The following SLIT1 variants were observed in gnomAD, a reference collection of about 807,000 sequenced individuals.
SLIT1 encodes the protein slit homolog 1 protein.
SLIT1 carries 66 observed loss-of-function variants against 186.1 expected under a neutral mutation model. The observed-to-expected ratio is 0.35, with a 90% CI of 0.29 to 0.44. SLIT1 has a LOEUF of 0.44. Among genes scored for constraint, SLIT1 ranks in the 20% least tolerant of loss-of-function variants. The pLI is 1.00. For missense variants in SLIT1, 1,638 were observed against 2,037.4 expected, an observed-to-expected ratio of 0.80 and a Z score of 3.77; for synonymous variants, 761 against 833.8, an observed-to-expected ratio of 0.91 and a Z score of 1.50.
chr10:97,002,016 G>A, intron 36 of SLIT1, 142 bp downstream of exon 36: 1 of 499,346 alleles, frequency 2.0e-6, no homozygotes, highest in East Asian at 3.2e-5. Flanking sequence ...GAGGGTGGAG[G>A]GACTCTGAAA....
chr10:97,045,979 C>T (rs1010252623), intron 18 of SLIT1, among the ~76,000 whole-genome samples: 5 of 152,160 alleles, frequency 3.3e-5, no homozygotes, highest in Admixed American at 6.5e-5. Flanking sequence ...TAGCACTAGC[C>T]ACATTTCAAC....
intron 6 of SLIT1, 64 bp from the exon 7 acceptor site, chr10:97,064,303 G>T (rs903510326): frequency 3.7e-6 from 5 of 1,367,096 alleles, no homozygotes; most frequent in Non-Finnish European, 5.2e-6. Context: ...GGACAGGGCC[G>T]CCCTGCTAAC....
chr10:97,096,495 G>A (rs1057001042), intron 4 of SLIT1, among the ~76,000 whole-genome samples: 5 of 152,140 alleles, frequency 3.3e-5, no homozygotes, highest in South Asian at 2.1e-4. Flanking sequence ...GATTGAAGCC[G>A]GGAGCCCGCT....
At chr10:97,003,262 T>G (rs928950562) in intron 34 of SLIT1, among the ~76,000 whole-genome samples, 3 of 152,222 alleles carry the variant, frequency 2.0e-5, no homozygotes, top group African/African-American at 7.2e-5. Flanking sequence ...AGGTGCCTGT[T>G]CCTAAAGTCT....
chr10:97,061,247 T>C (rs983936395), intron 8 of SLIT1, among the ~76,000 whole-genome samples: 1 of 152,244 alleles, frequency 6.6e-6, no homozygotes, highest in African/African-American at 2.4e-5. Context: ...TTGTTGCCAT[T>C]CTACAGCTGA....
At position 97,010,988 on chromosome 10, in the gene SLIT1, C is replaced by A; in HGVS notation, c.3341+5G>T. The A allele has an allele frequency of 6.2e-7, 1 of 1,613,772 alleles. No homozygotes were observed. The highest frequency in any genetic ancestry group is 8.5e-7 in the Non-Finnish European group (1 of 1,179,746). The stretch of plus-strand genomic sequence containing the variant: ...TCACTCCTAGTGTGTCCAGGGGCTG[C>A]TCACCTGTAGCCCTCAGCACAGAGG... On this transcript the variant is annotated splice_donor_5th_base_variant and intron_variant, in intron 31 of 36. Transcript: ENST00000266058. The surrounding 1 kb of genome is among the most constrained non-coding windows in gnomAD (Gnocchi z 4.8).
At chr10:97,020,406 A>C (rs1241037123) in intron 26 of SLIT1, among the ~76,000 whole-genome samples, 1 of 152,224 alleles carries the variant, frequency 6.6e-6, no homozygotes, top group Non-Finnish European at 1.5e-5. Flanking sequence ...AAAACAAAAC[A>C]AAACCCCTTC....
In SLIT1 at chr10:97,046,403, G is replaced by A. The variant is rs373156921; in HGVS notation, c.1853+251C>T. 1.6e-4 allele frequency among the ~76,000 whole-genome samples: 25 copies of A among 152,354 alleles called. No homozygotes were observed. In the East Asian group the frequency reaches 3.3e-3, roughly 20 times the overall value. ...GGGCAATGGGAAGGGACCCCTAGAA[G>A]GGTCCACATGTCTCCATCCCTTGAG... On this transcript the variant is annotated intron_variant, in intron 18 of 36. Coordinates refer to ENST00000266058, the MANE Select transcript of SLIT1 (RefSeq NM_003061.3).
At chr10:97,046,560 G>T in intron 18 of SLIT1, 94 bp downstream of exon 18, 4 of 1,291,214 alleles carry the variant, frequency 3.1e-6, no homozygotes, top group Non-Finnish European at 2.1e-6. Context: ...GCTGGGCCCA[G>T]GGGAGGGGCT....
intron 14 of SLIT1, 120 bp from the exon 15 acceptor site, chr10:97,048,116 G>A: frequency 9.4e-7 from 1 of 1,066,350 alleles, no homozygotes; most frequent in Non-Finnish European, 1.5e-6. Flanking sequence ...GAGCCCATCT[G>A]CCCAGTCCCT....
rs562437869 is a variant in SLIT1, at chr10:97,019,927, C to T, written c.2747-820G>A. On this transcript the variant is annotated intron_variant, in intron 26 of 36. Transcript: ENST00000266058. The stretch of plus-strand genomic sequence containing the variant: ...AGCAACGACTAGCACACATGACGGA[C>T]TTCTGGGGTAGAGATGGGGTTCTGT... Among the ~76,000 whole-genome samples the T allele has an allele frequency of 9.5e-4, 144 of 152,176 alleles. 1 individual carries two copies. The highest frequency in any genetic ancestry group is 3.4e-3 in the African/African-American group (140 of 41,530).
intron 4 of SLIT1, among the ~76,000 whole-genome samples, chr10:97,140,202 C>T (rs1849743762): frequency 1.3e-5 from 2 of 152,080 alleles, no homozygotes; most frequent in East Asian, 3.8e-4. Context: ...AATTTATGTG[C>T]CAGCGTTCCT....
intron 4 of SLIT1, among the ~76,000 whole-genome samples, chr10:97,121,259 G>C (rs1849557735): frequency 6.6e-6 from 1 of 152,184 alleles, no homozygotes; most frequent in Non-Finnish European, 1.5e-5. Context: ...TACACAATAA[G>C]TGGTGTCACC....
intron 4 of SLIT1, among the ~76,000 whole-genome samples, chr10:97,098,104 C>G (rs552107104): frequency 6.6e-6 from 1 of 152,292 alleles, no homozygotes; most frequent in African/African-American, 2.4e-5. Flanking sequence ...ATAGCTGGAA[C>G]CACTATTCCC....
At chr10:97,116,191 C>T (rs1033003681) in intron 4 of SLIT1, among the ~76,000 whole-genome samples, 3 of 151,940 alleles carry the variant, frequency 2.0e-5, no homozygotes, top group African/African-American at 7.3e-5. Flanking sequence ...CTGAATAAGT[C>T]TTCATTATGA....
chr10:97,001,036 G>T lies in SLIT1; in HGVS notation c.*76C>A. ...CTGTGATGACCTGCACCCCAGCCCA[G>T]CTGCTGGCGACTGTCTCCGCTGCTG... is the stretch of plus-strand genomic sequence containing the variant. On this transcript the variant is annotated 3_prime_UTR_variant, in exon 37 of 37. Coordinates refer to ENST00000266058, the MANE Select transcript of SLIT1 (RefSeq NM_003061.3). 1 of 1,234,810 alleles carries T rather than the reference G, an allele frequency of 8.1e-7. No homozygotes were observed. 76.5% of individuals were successfully genotyped at this position (1,234,810 alleles called of 1,614,324 possible).
chr10:97,029,714 A>G (rs1211484665), intron 25 of SLIT1, among the ~76,000 whole-genome samples: 3 of 152,198 alleles, frequency 2.0e-5, no homozygotes, highest in Non-Finnish European at 4.4e-5. Flanking sequence ...GTTGTACAAT[A>G]TCACCACTAC....
intron 4 of SLIT1, among the ~76,000 whole-genome samples, chr10:97,076,825 G>A (rs544959697): frequency 6.6e-6 from 1 of 152,328 alleles, no homozygotes; most frequent in Admixed American, 6.5e-5. Flanking sequence ...AGAAGTTCAA[G>A]CTCAGGTAGG....
At chr10:97,102,856 C>T (rs527630694) in intron 4 of SLIT1, 16 of 152,342 alleles carry the variant, frequency 1.1e-4, no homozygotes, top group African/African-American at 3.8e-4. Flanking sequence ...TTTTCTGGAA[C>T]TCGTTTCCAT....
Sources: allele counts gnomAD v4.1 joint callset (sites outside exome capture counted in the v4.1 genomes callset), GRCh38; gene constraint gnomAD v4.1.1; non-coding constraint Gnocchi (gnomAD v3.1); transcripts MANE v1.5; gene names NCBI Gene and HGNC (gene_info 2026-07-23, HGNC 2026-07-21).